Variants in ADGRV1 observed in about 807,000 individuals in gnomAD.
ADGRV1 encodes G-protein coupled receptor 98.
A neutral mutation model predicts 596.2 loss-of-function variants in ADGRV1; 359 were observed. That is an observed-to-expected ratio of 0.60 (90% confidence interval 0.55 to 0.66). ADGRV1 has a LOEUF of 0.66. Among genes scored for constraint, ADGRV1 ranks in the 30% least tolerant of loss-of-function variants. ADGRV1 has a pLI of 0.00. For missense variants in ADGRV1, 7,274 were observed against 7,575.6 expected (o/e 0.96, Z 1.48); for synonymous variants, 2,681 against 2,679.2 (o/e 1.00, Z -0.02).
At chr5:91,105,965 G>A (rs1284270182) in intron 87 of ADGRV1, among the ~76,000 whole-genome samples, 4 of 150,268 alleles carry the variant, frequency 2.7e-5, no homozygotes, top group African/African-American at 7.3e-5. Context: ...ATATTTAATA[G>A]CCTGTAAAAT....
intron 70 of ADGRV1, among the ~76,000 whole-genome samples, chr5:90,796,227 T>C (rs1201330513): frequency 1.3e-5 from 2 of 151,850 alleles, no homozygotes; most frequent in East Asian, 3.9e-4. Context: ...CTAGGAACCT[T>C]GAAAAAAGGT....
chr5:90,660,598 A>G (rs1006108977), intron 21 of ADGRV1, among the ~76,000 whole-genome samples: 2 of 152,294 alleles, frequency 1.3e-5, no homozygotes, highest in East Asian at 3.9e-4. Flanking sequence ...GGCTGGGCAC[A>G]GTGGCTCACG....
intron 83 of ADGRV1, among the ~76,000 whole-genome samples, chr5:90,878,010 A>T (rs1405901146): frequency 2.0e-5 from 3 of 152,248 alleles, no homozygotes; most frequent in East Asian, 3.8e-4. Context: ...AGGTAAAGAT[A>T]GAGTTCAGAC....
At chr5:91,002,675 T>G (rs1230690385) in intron 85 of ADGRV1, among the ~76,000 whole-genome samples, 2 of 152,138 alleles carry the variant, frequency 1.3e-5, no homozygotes, top group Admixed American at 1.3e-4. Context: ...TTTCTTCTCA[T>G]GTACCCATGT....
chr5:90,708,471 C>G (rs1236483372), intron 38 of ADGRV1, among the ~76,000 whole-genome samples: 1 of 151,044 alleles, frequency 6.6e-6, no homozygotes, highest in Non-Finnish European at 1.5e-5. Context: ...ATTCCTCCTT[C>G]TACACATTAG....
chr5:90,992,577 T>C (rs534244626), intron 85 of ADGRV1, among the ~76,000 whole-genome samples: 1 of 152,228 alleles, frequency 6.6e-6, no homozygotes, highest in African/African-American at 2.4e-5. Flanking sequence ...CAAACATTCT[T>C]TCACTTTATG....
In ADGRV1 at chr5:90,755,083, C is replaced by T. The variant is rs777384335; in HGVS notation, c.11478C>T (p.Val3826=). The change falls in exon 55 of 90, where the codon GTC becomes GTT. Residue 3826 remains valine, a synonymous_variant. Transcript: ENST00000405460. The part of the protein sequence containing the change: ...LRAQPNFLLH[V]DNQATENEDY... ...CTCAACCCAATTTCTTACTGCATGTCGATAATCAAGCTACTGAGAATGAAG... is the reference window on the plus strand; with the variant it reads ...CTCAACCCAATTTCTTACTGCATGTTGATAATCAAGCTACTGAGAATGAAG... The T allele has an allele frequency of 3.1e-6, 5 of 1,608,852 alleles. No individual in the cohort carries two copies. Among genetic ancestry groups the T allele is most frequent in the African/African-American group, 2.7e-5 (2 of 74,716 alleles).
At chr5:90,859,744 C>G (rs889009265) in intron 82 of ADGRV1, among the ~76,000 whole-genome samples, 1 of 151,972 alleles carries the variant, frequency 6.6e-6, no homozygotes, top group African/African-American at 2.4e-5. Flanking sequence ...TGACTGAGCC[C>G]TTGAAATATG....
At chr5:90,634,375 C>T (rs1382462385) in intron 9 of ADGRV1, among the ~76,000 whole-genome samples, 1 of 151,840 alleles carries the variant, frequency 6.6e-6, no homozygotes, top group Non-Finnish European at 1.5e-5. Flanking sequence ...AGGACACAGA[C>T]CCACAAGAGC....
chr5:91,022,801 T>G (rs545101503), intron 85 of ADGRV1, among the ~76,000 whole-genome samples: 1 of 152,096 alleles, frequency 6.6e-6, no homozygotes, highest in Non-Finnish European at 1.5e-5. Context: ...TTTGGGGAGA[T>G]GAATATGTAA....
intron 11 of ADGRV1, among the ~76,000 whole-genome samples, chr5:90,642,337 A>G (rs1465371767): frequency 2.0e-5 from 3 of 152,192 alleles, no homozygotes; most frequent in Admixed American, 6.5e-5. Flanking sequence ...CTTTATATAA[A>G]TAAAATATAT....
chr5:90,559,250 G>A (rs1001507688), intron 1 of ADGRV1, among the ~76,000 whole-genome samples: 2 of 152,168 alleles, frequency 1.3e-5, no homozygotes, highest in African/African-American at 4.8e-5. Context: ...CTGCCTGTTT[G>A]AAACCGGAAC....
chr5:91,070,062 A>G (rs763971098), intron 85 of ADGRV1, among the ~76,000 whole-genome samples: 2 of 152,162 alleles, frequency 1.3e-5, no homozygotes, highest in African/African-American at 2.4e-5. Context: ...AGCATTGGGT[A>G]CTCTTGGACG....
chr5:90,694,220 G>A lies in ADGRV1; in HGVS notation c.7464G>A (p.Arg2488=). Residue 2488 remains arginine (R), a synonymous_variant, in exon 33 of 90, where the codon AGG becomes AGA. Transcript: ENST00000405460. Reference sequence around the variant, plus strand: ...GGACCTACAGGAAAAACATGACCAGGGTAGCATCTCTTTTTAGTGGTCAGG... The same window carrying A: ...GGACCTACAGGAAAAACATGACCAGAGTAGCATCTCTTTTTAGTGGTCAGG... ...DFWTYRKNMT[R]VASLFSGQAV... is the part of the protein sequence containing the mutation. 2 of 1,613,878 alleles carry A rather than the reference G, an allele frequency of 1.2e-6. No homozygotes were observed. Among genetic ancestry groups the A allele is most frequent in the Non-Finnish European group, 1.7e-6 (2 of 1,179,828 alleles).
At chr5:90,635,794 C>T (rs564827786) in intron 10 of ADGRV1, among the ~76,000 whole-genome samples, 34 of 152,026 alleles carry the variant, frequency 2.2e-4, no homozygotes, top group Admixed American at 7.9e-4. Context: ...GGGGTTTTGT[C>T]ATGTTGTCCA....
chr5:90,753,704 A>G lies in ADGRV1; in HGVS notation c.11252A>G (p.Tyr3751Cys). 1 of 1,613,702 alleles carries G rather than the reference A, an allele frequency of 6.2e-7. No homozygotes were observed. Among genetic ancestry groups the G allele is most frequent in the Non-Finnish European group, 8.5e-7 (1 of 1,179,702 alleles). The change falls in exon 54 of 90, where the codon TAC becomes TGC. Residue 3751 changes from tyrosine to cysteine, a missense_variant. By Grantham distance (194) the Tyr-to-Cys change is radical. Transcript: ENST00000405460. ...ACCACAGAAGGGGTTGAGGACTCAT[A>G]CAAAGGTGCTACTATTGATCAGGAC... ...RITTEGVEDS[Y>C]KGATIDQDRS...
intron 75 of ADGRV1, among the ~76,000 whole-genome samples, chr5:90,820,720 C>T (rs1448440769): frequency 6.6e-6 from 1 of 151,046 alleles, no homozygotes; most frequent in African/African-American, 2.4e-5. Context: ...AAATTCTTTT[C>T]TTTAAGAATG....
At chr5:91,095,557 G>A (rs997849242) in intron 86 of ADGRV1, among the ~76,000 whole-genome samples, 5 of 152,030 alleles carry the variant, frequency 3.3e-5, no homozygotes, top group Non-Finnish European at 7.3e-5. Flanking sequence ...TGACTGCTGC[G>A]GAACTGGTGT....
At chr5:91,154,546 G>A (rs1052897434) in intron 89 of ADGRV1, among the ~76,000 whole-genome samples, 6 of 152,348 alleles carry the variant, frequency 3.9e-5, no homozygotes, top group African/African-American at 9.6e-5. Context: ...GCTCTCAGCC[G>A]CTGTGGCACA....
Sources: allele counts gnomAD v4.1 joint callset (sites outside exome capture counted in the v4.1 genomes callset), GRCh38; gene constraint gnomAD v4.1.1; transcripts MANE v1.5; gene names NCBI Gene and HGNC (gene_info 2026-07-23, HGNC 2026-07-21).